The following MECOM variants were observed in gnomAD, a reference collection of about 807,000 sequenced individuals.
MECOM encodes the protein histone-lysine N-methyltransferase MECOM.
Under a neutral mutation model 116.3 loss-of-function variants are expected in MECOM, and 13 were observed. The ratio of observed to expected loss-of-function variants is 0.11; its 90% CI spans 0.07 to 0.18. MECOM has a LOEUF of 0.18. Ranked by LOEUF, MECOM falls within the 10% of genes least tolerant of loss-of-function variation. The probability of loss-of-function intolerance (pLI) is 1.00; values close to 1 mark genes in which losing one functional copy is unlikely to be tolerated. For synonymous variants in MECOM, 528 were observed against 535.2 expected (o/e 0.99, Z 0.19); for missense variants, 1,299 against 1,509.0 (o/e 0.86, Z 2.31).
chr3:169,303,573 A>T (rs1010795436), intron 2 of MECOM, among the ~76,000 whole-genome samples: 1 of 152,228 alleles, frequency 6.6e-6, no homozygotes, highest in Admixed American at 6.5e-5. Flanking sequence ...CAAACCACAC[A>T]GTCCACTTAA....
chr3:169,192,061 C>T (rs1341780267), intron 2 of MECOM, among the ~76,000 whole-genome samples: 1 of 151,956 alleles, frequency 6.6e-6, no homozygotes, highest in African/African-American at 2.4e-5. Context: ...GCTTGATTTA[C>T]TGGACTGTTA....
At chr3:169,643,534 C>T (rs189286438) in intron 1 of MECOM, among the ~76,000 whole-genome samples, 232 of 152,276 alleles carry the variant, frequency 1.5e-3, no homozygotes, top group Non-Finnish European at 2.5e-3. Context: ...TGAATGAGCA[C>T]AAACCAATCT....
chr3:169,376,688 A>AC (rs148756451), intron 2 of MECOM, among the ~76,000 whole-genome samples: 122,636 of 152,020 alleles, frequency 0.81, 50,079 homozygotes, highest in African/African-American at 0.94. Flanking sequence ...GAGGACACAA[A>AC]AAATGGAAAA....
At chr3:169,483,646 A>G (rs1751706848) in intron 1 of MECOM, 2 of 1,468,974 alleles carry the variant, frequency 1.4e-6, no homozygotes, top group African/African-American at 2.9e-5. Context: ...AAGAACTCAT[A>G]CAAAATTTTC....
intron 1 of MECOM, among the ~76,000 whole-genome samples, chr3:169,649,896 A>G (rs1407418212): frequency 6.6e-6 from 1 of 152,250 alleles, no homozygotes; most frequent in East Asian, 1.9e-4. Context: ...TTGCAATCTG[A>G]TATAATCCAA....
At chr3:169,293,149 G>A (rs1038370701) in intron 2 of MECOM, among the ~76,000 whole-genome samples, 4 of 152,262 alleles carry the variant, frequency 2.6e-5, no homozygotes, top group Non-Finnish European at 4.4e-5. Flanking sequence ...AGAGCATGCC[G>A]AGAGTCTGAG....
chr3:169,146,756 T>C (rs1417158416), intron 2 of MECOM: 2 of 1,184,458 alleles, frequency 1.7e-6, no homozygotes, highest in Non-Finnish European at 2.1e-6. Flanking sequence ...TCAGCAATAA[T>C]AGGCATTCAC....
intron 1 of MECOM, among the ~76,000 whole-genome samples, chr3:169,560,567 A>G (rs1429562388): frequency 6.6e-6 from 1 of 152,162 alleles, no homozygotes; most frequent in East Asian, 1.9e-4. Context: ...TTAGACAGAA[A>G]GTATTTCTTC....
rs149482154 is a variant in MECOM at position 169,441,075 on chromosome 3, T to A, written c.38-59551A>T. Among the ~76,000 whole-genome samples, 946 of 152,102 alleles carry A rather than the reference T, an allele frequency of 6.2e-3. 15 individuals are homozygous for A. The highest frequency in any genetic ancestry group is 0.022 in the African/African-American group (893 of 41,464). On this transcript the variant is annotated intron_variant, in intron 1 of 16. Transcript: ENST00000651503. ...CATGAGGAATACAGATAACAATGAG[T>A]CTAATAATCCTGGACATTGCTCTGG... is the stretch of plus-strand genomic sequence containing the variant.
In MECOM at chr3:169,102,800, A is replaced by C. The variant is rs1180333339; in HGVS notation, c.2605-574T>G. Among the ~76,000 whole-genome samples the C allele has an allele frequency of 2.6e-5, 4 of 152,082 alleles. No homozygotes were observed. In the East Asian group the frequency reaches 7.7e-4, roughly 29 times the overall value. On this transcript the variant is annotated intron_variant, in intron 10 of 16. Coordinates refer to ENST00000651503, the MANE Select transcript of MECOM (RefSeq NM_004991.4). ...CATTAAATTAACATCTGGATATGCC[A>C]TATTTTTATGTAGGATCATATACAA... is the stretch of plus-strand genomic sequence containing the variant.
chr3:169,153,947 C>T (rs896884053), intron 2 of MECOM, among the ~76,000 whole-genome samples: 3 of 152,196 alleles, frequency 2.0e-5, no homozygotes, highest in Admixed American at 6.5e-5. Flanking sequence ...CTGGCCTATA[C>T]TTTGGGGAAC....
chr3:169,198,811 A>G (rs1292779491), intron 2 of MECOM, among the ~76,000 whole-genome samples: 1 of 152,006 alleles, frequency 6.6e-6, no homozygotes, highest in African/African-American at 2.4e-5. Context: ...TCCCAATACA[A>G]TATGATAAAA....
chr3:169,250,263 TTAG>T (rs1172100390), intron 2 of MECOM, among the ~76,000 whole-genome samples: 1 of 152,204 alleles, frequency 6.6e-6, no homozygotes. Context: ...CAATTGACTC[TTAG>T]TAGCAGTGGC....
intron 1 of MECOM, among the ~76,000 whole-genome samples, chr3:169,478,813 T>G (rs1237991614): frequency 6.6e-6 from 1 of 152,206 alleles, no homozygotes. Flanking sequence ...TTACGTCATT[T>G]TAGGCCCATT....
chr3:169,145,599 G>A (rs1739648014), intron 2 of MECOM: 1 of 224,236 alleles, frequency 4.5e-6, no homozygotes, highest in Non-Finnish European at 8.9e-6. Flanking sequence ...ATTTAATAAA[G>A]GACATAGAAT....
In MECOM at chr3:169,648,473, G is replaced by A. The variant is rs189910038; in HGVS notation, c.37+14863C>T. Among the ~76,000 whole-genome samples, 459 of 152,316 alleles carry A rather than the reference G, an allele frequency of 3.0e-3. 16 individuals are homozygous for A. The highest frequency in any genetic ancestry group is 0.029 in the Admixed American group (445 of 15,304). On this transcript the variant is annotated intron_variant, in intron 1 of 16. Transcript: ENST00000651503. The stretch of plus-strand genomic sequence containing the variant: ...ATGGGTCAAACCACGGTCTCTGCTG[G>A]TATTTTAATACTGCATCATTATCAA...
chr3:169,395,915 C>A (rs1734962478), intron 1 of MECOM, among the ~76,000 whole-genome samples: 1 of 151,500 alleles, frequency 6.6e-6, no homozygotes. Flanking sequence ...AGCAAAGGTT[C>A]AATAAACAAA....
intron 1 of MECOM, among the ~76,000 whole-genome samples, chr3:169,398,473 T>C (rs1377797676): frequency 6.6e-6 from 1 of 152,192 alleles, no homozygotes; most frequent in Non-Finnish European, 1.5e-5. Context: ...TTGACATTCA[T>C]TTTAGAAAAA....
chr3:169,635,543 A>T (rs1025015466), intron 1 of MECOM, among the ~76,000 whole-genome samples: 1 of 152,234 alleles, frequency 6.6e-6, no homozygotes, highest in Non-Finnish European at 1.5e-5. Flanking sequence ...TCTCTGACTC[A>T]GCTCACATAG....
Sources: allele counts gnomAD v4.1 joint callset (sites outside exome capture counted in the v4.1 genomes callset), GRCh38; gene constraint gnomAD v4.1.1; transcripts MANE v1.5; gene names NCBI Gene and HGNC (gene_info 2026-07-23, HGNC 2026-07-21).